The following DACH1 variants were observed in gnomAD, a reference collection of about 807,000 sequenced individuals.
The protein encoded by DACH1 is dachshund homolog 1.
Under a neutral mutation model 54.2 loss-of-function variants are expected in DACH1, and 12 were observed. The observed-to-expected ratio is 0.22, with a 90% CI of 0.14 to 0.36. The LOEUF is 0.36. Ranked by LOEUF, DACH1 falls within the 10% of genes least tolerant of loss-of-function variation. The pLI, the probability that DACH1 is intolerant of heterozygous loss-of-function variation, is 1.00. For missense variants in DACH1, 805 were observed against 929.8 expected (o/e 0.87, Z 1.75); for synonymous variants, 386 against 366.2 (o/e 1.05, Z -0.62).
At chr13:71,763,188 T>C (rs942246331) in intron 1 of DACH1, among the ~76,000 whole-genome samples, 1 of 152,198 alleles carries the variant, frequency 6.6e-6, no homozygotes, top group African/African-American at 2.4e-5. Context: ...ATTAAGTAAG[T>C]ATTATATGTT....
chr13:71,640,023 T>A (rs2138593787), intron 2 of DACH1, among the ~76,000 whole-genome samples: 1 of 152,152 alleles, frequency 6.6e-6, no homozygotes, highest in South Asian at 2.1e-4. Flanking sequence ...TACTGATGAT[T>A]AAATTTAGGG....
At chr13:71,460,721 A>G (rs1875998094) in intron 10 of DACH1, among the ~76,000 whole-genome samples, 1 of 152,036 alleles carries the variant, frequency 6.6e-6, no homozygotes, top group African/African-American at 2.4e-5. Flanking sequence ...CTGTATTTTA[A>G]AATCTCATTA....
intron 1 of DACH1, among the ~76,000 whole-genome samples, chr13:71,837,050 A>C (rs1387787409): frequency 6.6e-6 from 1 of 151,984 alleles, no homozygotes; most frequent in Non-Finnish European, 1.5e-5. Context: ...TCTTAATTCT[A>C]GTAGTAACAG....
chr13:71,840,688 A>G (rs1872781637), intron 1 of DACH1, among the ~76,000 whole-genome samples: 1 of 152,226 alleles, frequency 6.6e-6, no homozygotes, highest in South Asian at 2.1e-4. Context: ...GAATAACGAA[A>G]ATTGCAAAAT....
In DACH1 at chr13:71,475,692, A is replaced by G. The variant is rs1199958094; in HGVS notation, c.2014+14T>C. On this transcript the variant is annotated intron_variant, in intron 9 of 10. Coordinates refer to ENST00000613252, the MANE Select transcript of DACH1 (RefSeq NM_080759.6). The stretch of plus-strand genomic sequence containing the variant: ...AAATGACAGTTATTCATGCAATAAT[A>G]TACACCCTCTTACCATTTAAGACCC... The G allele has an allele frequency of 3.1e-6, 5 of 1,600,572 alleles. No individual in the cohort carries two copies. Among genetic ancestry groups the G allele is most frequent in the Non-Finnish European group, 4.3e-6 (5 of 1,176,072 alleles).
intron 10 of DACH1, among the ~76,000 whole-genome samples, chr13:71,447,153 T>G (rs955231552): frequency 6.6e-6 from 1 of 152,212 alleles, no homozygotes; most frequent in Admixed American, 6.5e-5. Context: ...TGTGAATTTT[T>G]GTATGCTGTT....
intron 6 of DACH1, among the ~76,000 whole-genome samples, chr13:71,511,768 A>G (rs1377385791): frequency 1.3e-5 from 2 of 152,010 alleles, no homozygotes; most frequent in Admixed American, 1.3e-4. Flanking sequence ...TTGCCTTTAT[A>G]CATATGCCAC....
At chr13:71,566,313 T>A (rs1884892140) in intron 4 of DACH1, among the ~76,000 whole-genome samples, 1 of 152,150 alleles carries the variant, frequency 6.6e-6, no homozygotes, top group African/African-American at 2.4e-5. Flanking sequence ...ACTTCATAGA[T>A]GGTGTTGCAA....
intron 2 of DACH1, among the ~76,000 whole-genome samples, chr13:71,648,677 C>G (rs1022171575): frequency 6.6e-6 from 1 of 152,148 alleles, no homozygotes; most frequent in Non-Finnish European, 1.5e-5. Context: ...AAGATCTCAA[C>G]TGTTTTTACC....
At chr13:71,630,815 G>T in intron 2 of DACH1, 98 bp from the exon 3 acceptor site, 1 of 1,328,516 alleles carries the variant, frequency 7.5e-7, no homozygotes, top group African/African-American at 1.5e-5. Context: ...ATTTATTAGA[G>T]TATCTGATTC....
intron 1 of DACH1, among the ~76,000 whole-genome samples, chr13:71,700,237 A>G (rs1402064590): frequency 6.6e-6 from 1 of 152,128 alleles, no homozygotes; most frequent in Non-Finnish European, 1.5e-5. Flanking sequence ...TGATCTTAGT[A>G]AAAACAGGAA....
chr13:71,651,102 G>A (rs543039945), intron 2 of DACH1, among the ~76,000 whole-genome samples: 1 of 152,248 alleles, frequency 6.6e-6, no homozygotes, highest in South Asian at 2.1e-4. Flanking sequence ...TGTACTAAAA[G>A]ACATACAATT....
intron 6 of DACH1, among the ~76,000 whole-genome samples, chr13:71,526,122 C>T (rs1016652992): frequency 6.6e-6 from 1 of 152,142 alleles, no homozygotes; most frequent in African/African-American, 2.4e-5. Flanking sequence ...TGCATTCTGT[C>T]AGCACTTTTC....
At chr13:71,692,491 TCTTTC>T (rs1881547912) in intron 1 of DACH1, among the ~76,000 whole-genome samples, 1 of 148,248 alleles carries the variant, frequency 6.7e-6, no homozygotes, top group African/African-American at 2.5e-5. Flanking sequence ...CCTTTCTTTT[TCTTTC>T]TTTTCTTTCC....
chr13:71,642,690 A>G (rs1446089026), intron 2 of DACH1, among the ~76,000 whole-genome samples: 3 of 152,174 alleles, frequency 2.0e-5, no homozygotes, highest in African/African-American at 7.2e-5. Context: ...ATACATCACA[A>G]TAACCAAAGA....
Position 71,716,845 on chromosome 13 carries a change from C to CT in DACH1, c.849-34936dup, listed in dbSNP as rs200915595. On this transcript the variant is annotated intron_variant, in intron 1 of 10. Coordinates refer to ENST00000613252, the MANE Select transcript of DACH1 (RefSeq NM_080759.6). ...TTGAATTTAATTTATTTTTATTTTA[C>CT]TTTAAGTTCTGGGATATATGTGCAG... Among the ~76,000 whole-genome samples the CT allele has an allele frequency of 2.9e-3, 438 of 152,152 alleles. 5 individuals are homozygous for CT. Among genetic ancestry groups the CT allele is most frequent in the African/African-American group, 0.01 (419 of 41,524 alleles).
intron 1 of DACH1, among the ~76,000 whole-genome samples, chr13:71,864,935 C>A (rs9599893): frequency 0.5 from 75,436 of 151,920 alleles, 21,418 homozygotes; most frequent in Middle Eastern, 0.76. Context: ...AGCTACTAAC[C>A]TTTAAGAAAA....
chr13:71,797,198 C>T (rs2138112218), intron 1 of DACH1, among the ~76,000 whole-genome samples: 3 of 152,156 alleles, frequency 2.0e-5, no homozygotes, highest in Admixed American at 2.0e-4. Context: ...TGATTCAAAG[C>T]TGCTTTAATA....
chr13:71,528,165 T>C (rs1005413697), intron 6 of DACH1, among the ~76,000 whole-genome samples: 4 of 152,148 alleles, frequency 2.6e-5, no homozygotes, highest in African/African-American at 9.7e-5. Context: ...GTTGTGTTTT[T>C]CAAAGATGAC....
Sources: gnomAD v4.1 joint callset for allele counts (sites outside exome capture counted in the v4.1 genomes callset) on GRCh38, gnomAD v4.1.1 for gene constraint, MANE v1.5 for transcripts, NCBI Gene and HGNC (gene_info 2026-07-23, HGNC 2026-07-21) for gene names.